ACO1: variants seen among roughly 807,000 people sequenced by gnomAD.
ACO1 encodes the protein aconitase 1, also known as cytoplasmic aconitate hydratase.
Under a neutral mutation model 105.1 loss-of-function variants are expected in ACO1, and 78 were observed. That is an observed-to-expected ratio of 0.74 (90% CI 0.62 to 0.90). The LOEUF (loss-of-function observed/expected upper bound fraction) is 0.90, where lower values mean the gene tolerates loss of function less well. Among genes scored for constraint, ACO1 ranks in the 40% least tolerant of loss-of-function variants. ACO1 has a pLI of 0.00. For synonymous variants in ACO1, 364 were observed against 397.4 expected (o/e 0.92, Z 1.00); for missense variants, 965 against 1,111.1 (o/e 0.87, Z 1.87).
intron 6 of ACO1, 42 bp from the exon 7 acceptor site, chr9:32,418,995 AG>A (rs1821911053): frequency 6.6e-7 from 1 of 1,522,208 alleles, no homozygotes; most frequent in Non-Finnish European, 8.9e-7. Context: ...AGATAGAGTA[AG>A]GGGTAATGAA....
chr9:32,436,827 G>C (rs1401653781), intron 18 of ACO1, among the ~76,000 whole-genome samples: 1 of 152,188 alleles, frequency 6.6e-6, no homozygotes, highest in Non-Finnish European at 1.5e-5. Flanking sequence ...ACTGTGGTCA[G>C]TATGTTGCAG....
At chr9:32,395,809 A>G (rs2118354696) in intron 1 of ACO1, among the ~76,000 whole-genome samples, 1 of 152,248 alleles carries the variant, frequency 6.6e-6, no homozygotes, top group East Asian at 1.9e-4. Flanking sequence ...CTCTGGTTAT[A>G]TTGGCCCACA....
chr9:32,405,540 T>C lies in ACO1; in HGVS notation c.34T>C (p.Leu12=), dbSNP rs373990127. ...CCCATTCGCACACCTTGCTGAGCCA[T>C]TGGATCCTGTACAACCAGGAAAGAA... is the stretch of plus-strand genomic sequence containing the variant. The part of the protein sequence containing the change: ...SNPFAHLAEP[L]DPVQPGKKFF... The change falls in exon 2 of 21, where the codon TTG becomes CTG. Residue 12 remains leucine, a synonymous_variant. Coordinates refer to ENST00000309951, the MANE Select transcript of ACO1 (RefSeq NM_002197.3). The C allele has an allele frequency of 1.8e-5, 29 of 1,614,076 alleles. No homozygotes were observed. The highest frequency in any genetic ancestry group is 1.2e-4 in the South Asian group (11 of 91,066).
Position 32,419,043 on chromosome 9 carries a change from G to T in ACO1, c.664G>T (p.Gly222Cys), listed in dbSNP as rs745839445. The change falls in exon 7 of 21, where the codon GGT becomes TGT. Residue 222 changes from glycine to cysteine, a missense_variant. Transcript: ENST00000309951. ...GGTCATGCCGTTCATTGCAGGTGTCGGTGGTATTGAAGCAGAAGCTGTCAT... is the reference window on the plus strand; with the variant it reads ...GGTCATGCCGTTCATTGCAGGTGTCTGTGGTATTGAAGCAGAAGCTGTCAT... Reference protein sequence around the residue: ...DGLGILGWGVGGIEAEAVMLG... With the variant: ...DGLGILGWGVCGIEAEAVMLG... 3 of 1,599,984 alleles carry T rather than the reference G, an allele frequency of 1.9e-6. No homozygotes were observed. Among genetic ancestry groups the T allele is most frequent in the Non-Finnish European group, 2.6e-6 (3 of 1,172,058 alleles).
chr9:32,420,792 G>T, intron 7 of ACO1, 64 bp from the exon 8 acceptor site: 1 of 1,538,852 alleles, frequency 6.5e-7, no homozygotes, highest in Non-Finnish European at 8.9e-7. Context: ...GTGCAAGATG[G>T]TAGTTCTGCA....
At chr9:32,398,540 CTT>C (rs375604050) in intron 1 of ACO1, among the ~76,000 whole-genome samples, 1 of 144,260 alleles carries the variant, frequency 6.9e-6, no homozygotes. Flanking sequence ...TTCGGAATTT[CTT>C]TTTTTTTTTC....
intron 1 of ACO1, among the ~76,000 whole-genome samples, chr9:32,385,784 T>A (rs1349254941): frequency 6.6e-6 from 1 of 152,234 alleles, no homozygotes; most frequent in Non-Finnish European, 1.5e-5. Flanking sequence ...TAACATTTTA[T>A]TACTAGGAAA....
intron 1 of ACO1, among the ~76,000 whole-genome samples, chr9:32,398,805 G>C (rs138443931): frequency 1.6e-3 from 247 of 152,122 alleles, no homozygotes; most frequent in African/African-American, 5.3e-3. Flanking sequence ...ATGTTGCCCA[G>C]GCTGGTCTCA....
At chr9:32,399,743 A>T (rs1821447663) in intron 1 of ACO1, among the ~76,000 whole-genome samples, 2 of 152,124 alleles carry the variant, frequency 1.3e-5, no homozygotes. Flanking sequence ...TTGTCCTATT[A>T]AGATATTTGA....
chr9:32,387,411 C>G (rs62571704), intron 1 of ACO1, among the ~76,000 whole-genome samples: 24,522 of 152,186 alleles, frequency 0.16, 2,246 homozygotes, highest in South Asian at 0.29. Flanking sequence ...AATAATAACA[C>G]CATGGAAATT....
intron 1 of ACO1, among the ~76,000 whole-genome samples, chr9:32,400,171 A>C (rs1363372695): frequency 2.0e-5 from 3 of 151,732 alleles, no homozygotes; most frequent in African/African-American, 7.3e-5. Context: ...GGGTTTCACC[A>C]CCTTGGCCAG....
intron 8 of ACO1, among the ~76,000 whole-genome samples, chr9:32,422,081 AAT>A (rs1319356258): frequency 6.6e-6 from 1 of 152,226 alleles, no homozygotes; most frequent in African/African-American, 2.4e-5. Flanking sequence ...GAACAGAATA[AAT>A]AATTGAGGGA....
At position 32,430,546 on chromosome 9, in the gene ACO1, C is replaced by T; in HGVS notation, c.1698C>T (p.Ile566=). The change falls in exon 14 of 21, where the codon ATC becomes ATT. Residue 566 remains isoleucine (I), a synonymous_variant. Transcript: ENST00000309951. The part of the protein sequence containing the change: ...LVIAYAIAGT[I]RIDFEKEPLG... ...TAGCATATGCAATTGCTGGAACCAT[C>T]AGAATCGACTTTGAGAAAGAGCCAT... 3 of 1,607,430 alleles carry T rather than the reference C, an allele frequency of 1.9e-6. No individual in the cohort carries two copies. Among genetic ancestry groups the T allele is most frequent in the Non-Finnish European group, 1.7e-6 (2 of 1,177,292 alleles).
In ACO1 at chr9:32,452,034, C is replaced by T. The variant is rs988043813; in HGVS notation, c.*1923C>T. On this transcript the variant is annotated 3_prime_UTR_variant, in exon 21 of 21. Transcript: ENST00000309951. ...AGCCGAGATCGTGCCATTGCACGCC[C>T]GCCTGGGCTACAAGAGCAAAGCTCC... is the stretch of plus-strand genomic sequence containing the variant. The T allele has an allele frequency of 2.0e-5, 3 of 151,312 alleles. No homozygotes were observed. The highest frequency in any genetic ancestry group is 4.9e-5 in the African/African-American group (2 of 41,118). The allele number at this position is 151,312 out of a possible 1,614,324, so 9.4% of individuals were successfully genotyped here.
intron 19 of ACO1, 110 bp from the exon 20 acceptor site, chr9:32,448,786 A>C: frequency 9.0e-7 from 1 of 1,111,634 alleles, no homozygotes. Context: ...TGCAGACTGG[A>C]GCTGTTCCTA....
rs1179478963 is a variant in ACO1, at chr9:32,439,668, T to A, written c.2248-797T>A. ...TGGGCTTCCATTTGCATTTCTAGCA[T>A]CTCTTCCCTTGACCTCCATGAAGAA... On this transcript the variant is annotated intron_variant, in intron 18 of 20. Coordinates refer to ENST00000309951, the MANE Select transcript of ACO1 (RefSeq NM_002197.3). The surrounding 1 kb of genome is among the most constrained non-coding windows in gnomAD (Gnocchi z 4.0). Among the ~76,000 whole-genome samples the A allele has an allele frequency of 6.6e-6, 1 of 152,228 alleles. No homozygotes were observed. The highest frequency in any genetic ancestry group is 2.4e-5 in the African/African-American group (1 of 41,458).
chr9:32,428,923 T>C (rs1177695448), intron 12 of ACO1, among the ~76,000 whole-genome samples: 3 of 152,210 alleles, frequency 2.0e-5, no homozygotes, highest in Non-Finnish European at 4.4e-5. Flanking sequence ...GACATCACGA[T>C]GGCTACAACA....
chr9:32,408,962 T>C (rs1047943429), intron 4 of ACO1, among the ~76,000 whole-genome samples: 1 of 152,216 alleles, frequency 6.6e-6, no homozygotes, highest in Non-Finnish European at 1.5e-5. Flanking sequence ...CACAAGTATA[T>C]GTCAGTGCAA....
chr9:32,384,668 G>A lies in ACO1; in HGVS notation c.-90G>A, dbSNP rs1445528095. The A allele has an allele frequency of 7.4e-6, 3 of 404,206 alleles. No individual in the cohort carries two copies. Among genetic ancestry groups the A allele is most frequent in the Admixed American group, 2.8e-5 (1 of 35,510 alleles). The allele number at this position is 404,206 out of a possible 1,614,324, so 25.0% of individuals were successfully genotyped here. A position where few individuals can be genotyped will look rare whatever the true frequency, so the allele number is the denominator to read the frequency against. Reference sequence around the variant, plus strand: ...GAGGCGGCAGCTGGAACCGCGCAGCGCACGGGAACGCGTCCCGCTGCTTGG... The same window carrying A: ...GAGGCGGCAGCTGGAACCGCGCAGCACACGGGAACGCGTCCCGCTGCTTGG... On this transcript the variant is annotated 5_prime_UTR_variant, in exon 1 of 21. Transcript: ENST00000309951.
Sources: gnomAD v4.1 joint callset for allele counts (sites outside exome capture counted in the v4.1 genomes callset) on GRCh38, gnomAD v4.1.1 for gene constraint, Gnocchi (gnomAD v3.1) non-coding constraint, MANE v1.5 for transcripts, NCBI Gene and HGNC (gene_info 2026-07-23, HGNC 2026-07-21) for gene names.